Variants in KIF13B observed in about 807,000 individuals in gnomAD.
KIF13B encodes the protein kinesin-like protein KIF13B.
KIF13B carries 127 observed loss-of-function variants against 222.0 expected under a neutral mutation model. The observed-to-expected ratio is 0.57, with a 90% CI of 0.50 to 0.66. The LOEUF is 0.66. Ranked by LOEUF, KIF13B falls within the 30% of genes least tolerant of loss-of-function variation. KIF13B has a pLI of 0.00. For missense variants in KIF13B, 2,173 were observed against 2,379.0 expected (o/e 0.91, Z 1.80); for synonymous variants, 976 against 919.0 (o/e 1.06, Z -1.12).
chr8:29,171,037 G>A lies in KIF13B; in HGVS notation c.946-3452C>T, dbSNP rs149498203. Among the ~76,000 whole-genome samples the A allele has an allele frequency of 9.0e-3, 1,374 of 152,302 alleles. 19 individuals are homozygous for A. The highest frequency in any genetic ancestry group is 0.031 in the African/African-American group (1,287 of 41,548). On this transcript the variant is annotated intron_variant, in intron 10 of 39. Coordinates refer to ENST00000524189, the MANE Select transcript of KIF13B (RefSeq NM_015254.4). ...CAACCTAACCATGGAGAAAGGACTG[G>A]ACTAAGAAAGCTCGAGGGAAACGAC...
At position 29,104,812 on chromosome 8, in the gene KIF13B, C is replaced by T. The variant is rs554783417; in HGVS notation, c.4215+3327G>A. Among the ~76,000 whole-genome samples, 40 of 151,106 alleles carry T rather than the reference C, an allele frequency of 2.6e-4. No homozygotes were observed. The South Asian group carries it at 3.8e-3, about 14-fold the overall frequency. On this transcript the variant is annotated intron_variant, in intron 35 of 39. Coordinates refer to ENST00000524189, the MANE Select transcript of KIF13B (RefSeq NM_015254.4). ...AGGCTGGAGTGCAGTGGCGCGATCT[C>T]GGCTCACTGCAGGCTCCGCCCCCCG... is the stretch of plus-strand genomic sequence containing the variant.
chr8:29,147,307 A>G, intron 17 of KIF13B, 85 bp downstream of exon 17: 1 of 935,190 alleles, frequency 1.1e-6, no homozygotes, highest in Non-Finnish European at 1.6e-6. Flanking sequence ...CACCATCTTA[A>G]TGTTCCCATT....
chr8:29,221,282 T>C (rs1425270263), intron 2 of KIF13B, among the ~76,000 whole-genome samples: 1 of 151,666 alleles, frequency 6.6e-6, no homozygotes, highest in Non-Finnish European at 1.5e-5. Context: ...TTTGTGTTTT[T>C]AGTGGAGGCG....
Position 29,177,589 on chromosome 8 carries a change from A to T in KIF13B, c.721-11T>A. On this transcript the variant is annotated splice_polypyrimidine_tract_variant and intron_variant, in intron 8 of 39. Coordinates refer to ENST00000524189, the MANE Select transcript of KIF13B (RefSeq NM_015254.4). ...TTTCTCTCCAGATGTCTACAAAGGA[A>T]ATCAATCAATACTAATCAACAGGAA... The T allele has an allele frequency of 6.4e-7, 1 of 1,553,640 alleles. No individual in the cohort carries two copies. Among genetic ancestry groups the T allele is most frequent in the South Asian group, 1.1e-5 (1 of 89,924 alleles).
chr8:29,169,479 C>G (rs1471200019), intron 10 of KIF13B, among the ~76,000 whole-genome samples: 1 of 152,164 alleles, frequency 6.6e-6, no homozygotes, highest in Non-Finnish European at 1.5e-5. Context: ...TTATCTTGCC[C>G]TAGTTTCAGA....
chr8:29,081,424 T>C (rs571159231), intron 37 of KIF13B, among the ~76,000 whole-genome samples: 1 of 152,322 alleles, frequency 6.6e-6, no homozygotes, highest in East Asian at 1.9e-4. Context: ...TGAAATGCTT[T>C]TAAGTATGTT....
chr8:29,176,349 C>A (rs1413701672), intron 9 of KIF13B, among the ~76,000 whole-genome samples, 170 bp from the exon 10 acceptor site: 1 of 152,154 alleles, frequency 6.6e-6, no homozygotes, highest in Non-Finnish European at 1.5e-5. Flanking sequence ...TTATTTTCCC[C>A]CAATACTACT....
At chr8:29,131,337 TA>T (rs144827387) in intron 23 of KIF13B, among the ~76,000 whole-genome samples, 12,902 of 138,820 alleles carry the variant, frequency 0.093, 676 homozygotes, top group Middle Eastern at 0.13. Flanking sequence ...TTGAAACTAT[TA>T]AAAAAAAAAA....
chr8:29,140,026 T>C, intron 21 of KIF13B, 37 bp downstream of exon 21: 2 of 1,528,952 alleles, frequency 1.3e-6, no homozygotes, highest in African/African-American at 1.4e-5. Flanking sequence ...CAATGACTTT[T>C]GTATCAACGT....
intron 13 of KIF13B, among the ~76,000 whole-genome samples, chr8:29,157,640 G>A (rs1811595033): frequency 6.6e-6 from 1 of 151,942 alleles, no homozygotes; most frequent in African/African-American, 2.4e-5. Flanking sequence ...GGGAGGTGGA[G>A]GTTGCAGTGA....
chr8:29,108,362 T>C (rs534864774), intron 34 of KIF13B, among the ~76,000 whole-genome samples, 170 bp from the exon 35 acceptor site: 45 of 152,336 alleles, frequency 3.0e-4, no homozygotes, highest in Non-Finnish European at 5.6e-4. Context: ...ATTACAAACA[T>C]TGAATTGGTT....
At chr8:29,215,483 T>C (rs1814434523) in intron 2 of KIF13B, among the ~76,000 whole-genome samples, 1 of 152,170 alleles carries the variant, frequency 6.6e-6, no homozygotes, top group South Asian at 2.1e-4. Context: ...AGCTCAAGAA[T>C]TCAAGGACCA....
At chr8:29,259,570 A>C (rs937999576) in intron 1 of KIF13B, among the ~76,000 whole-genome samples, 2 of 152,228 alleles carry the variant, frequency 1.3e-5, no homozygotes, top group African/African-American at 4.8e-5. Flanking sequence ...GCAGGCACTC[A>C]ATCAATGTTT....
intron 3 of KIF13B, among the ~76,000 whole-genome samples, chr8:29,194,654 G>A (rs566313238): frequency 1.2e-4 from 19 of 152,238 alleles, no homozygotes; most frequent in Admixed American, 3.3e-4. Flanking sequence ...TAGCAATTTC[G>A]TAAATTATTA....
chr8:29,162,137 G>A (rs1811809822), intron 12 of KIF13B, among the ~76,000 whole-genome samples: 1 of 152,138 alleles, frequency 6.6e-6, no homozygotes, highest in Non-Finnish European at 1.5e-5. Context: ...GGGCTGGAGA[G>A]GGTATCTTCG....
intron 1 of KIF13B, among the ~76,000 whole-genome samples, chr8:29,256,807 T>C (rs1025198869): frequency 1.3e-5 from 2 of 152,214 alleles, no homozygotes; most frequent in African/African-American, 4.8e-5. Flanking sequence ...CAGGCTAGAG[T>C]GCAGTGGTGC....
intron 12 of KIF13B, among the ~76,000 whole-genome samples, chr8:29,165,204 C>G (rs564857464): frequency 1.3e-5 from 2 of 152,152 alleles, no homozygotes; most frequent in African/African-American, 4.8e-5. Flanking sequence ...GAGACAGTCA[C>G]CTCAGATTTA....
In KIF13B at chr8:29,180,183, T is replaced by C. The variant is rs776390001; in HGVS notation, c.641A>G (p.Asn214Ser). Reference protein sequence around the residue: ...GNKSRTVAATNMNEESSRSHA... With the variant: ...GNKSRTVAATSMNEESSRSHA... ...GGATCGGCTACTCTCCTCGTTCATG[T>C]TGGTTGCAGCAACTGTGCGAGATTT... Residue 214 changes from asparagine to serine, a missense_variant, in exon 8 of 40, where the codon AAC (asparagine) becomes AGC (serine). By Grantham distance (46) the Asn-to-Ser change is conservative (BLOSUM62 1). Around this residue, in one of 2 missense-constraint regions of KIF13B, gnomAD observed 1,480 missense variants for 1,722.8 expected, o/e 0.86. Coordinates refer to ENST00000524189, the MANE Select transcript of KIF13B (RefSeq NM_015254.4). 1.4e-5 allele frequency: 22 copies of C among 1,613,902 alleles called. No individual in the cohort carries two copies. The highest frequency in any genetic ancestry group is 2.7e-5 in the African/African-American group (2 of 74,914).
intron 26 of KIF13B, among the ~76,000 whole-genome samples, chr8:29,125,720 G>A (rs1163682877): frequency 1.3e-5 from 2 of 149,962 alleles, no homozygotes; most frequent in African/African-American, 4.9e-5. Context: ...ACAAAGTCTT[G>A]CAGGAGGTTA....
Sources: allele counts gnomAD v4.1 joint callset (sites outside exome capture counted in the v4.1 genomes callset), GRCh38; gene constraint gnomAD v4.1.1; regional missense constraint gnomAD v4.1.1; transcripts MANE v1.5; gene names NCBI Gene and HGNC (gene_info 2026-07-23, HGNC 2026-07-21).